Variants in LRBA observed in about 807,000 individuals in gnomAD.
The protein encoded by LRBA is LPS responsive beige-like anchor protein.
In LRBA, 176 loss-of-function variants were observed where a neutral mutation model predicts 330.0. That is an observed-to-expected ratio of 0.53 (90% confidence interval 0.47 to 0.60). The LOEUF (loss-of-function observed/expected upper bound fraction) is 0.60, where lower values mean the gene tolerates loss of function less well. Among genes scored for constraint, LRBA ranks in the 20% least tolerant of loss-of-function variants. The probability of loss-of-function intolerance (pLI) is 0.00; values close to 1 mark genes in which losing one functional copy is unlikely to be tolerated. For synonymous variants in LRBA, 1,230 were observed against 1,193.0 expected (o/e 1.03, Z -0.64); for missense variants, 3,259 against 3,444.8 (o/e 0.95, Z 1.35).
intron 40 of LRBA, among the ~76,000 whole-genome samples, chr4:150,499,354 C>T (rs1759965323): frequency 6.6e-6 from 1 of 152,106 alleles, no homozygotes; most frequent in South Asian, 2.1e-4. Flanking sequence ...TAAAGTATTT[C>T]TGTCAGGGCC....
At chr4:150,880,643 G>T (rs148827241) in intron 17 of LRBA, among the ~76,000 whole-genome samples, 1 of 151,944 alleles carries the variant, frequency 6.6e-6, no homozygotes, top group Non-Finnish European at 1.5e-5. Flanking sequence ...CCTTGGGAAA[G>T]AATTTATCAC....
At chr4:150,981,674 T>C (rs887520085) in intron 2 of LRBA, among the ~76,000 whole-genome samples, 4 of 151,540 alleles carry the variant, frequency 2.6e-5, no homozygotes, top group African/African-American at 4.9e-5. Context: ...AGAACACACA[T>C]TGGGGGCCGG....
At chr4:150,816,017 T>C (rs1744537778) in intron 31 of LRBA, among the ~76,000 whole-genome samples, 1 of 151,876 alleles carries the variant, frequency 6.6e-6, no homozygotes, top group Non-Finnish European at 1.5e-5. Context: ...GAAATAAACA[T>C]AGTATTTGTT....
At chr4:150,500,800 A>T (rs1760167226) in intron 40 of LRBA, among the ~76,000 whole-genome samples, 1 of 152,236 alleles carries the variant, frequency 6.6e-6, no homozygotes, top group Non-Finnish European at 1.5e-5. Flanking sequence ...CACAGCAAGC[A>T]AGAGAAATGA....
At chr4:151,008,164 T>A (rs1435142686) in intron 2 of LRBA, among the ~76,000 whole-genome samples, 2 of 150,412 alleles carry the variant, frequency 1.3e-5, no homozygotes, top group Non-Finnish European at 3.0e-5. Context: ...CACTACAACC[T>A]CCGCCTCCCG....
chr4:150,979,245 G>T (rs1285290514), intron 2 of LRBA, among the ~76,000 whole-genome samples: 1 of 151,974 alleles, frequency 6.6e-6, no homozygotes, highest in African/African-American at 2.4e-5. Flanking sequence ...ATATATTTAA[G>T]GTGCAGACGG....
intron 37 of LRBA, among the ~76,000 whole-genome samples, chr4:150,666,497 G>T (rs1273363732): frequency 6.6e-6 from 1 of 152,034 alleles, no homozygotes; most frequent in East Asian, 1.9e-4. Context: ...CTGGGCAACA[G>T]AGTGAGACAC....
Position 150,401,096 on chromosome 4 carries a change from T to C in LRBA, c.7194+14342A>G, listed in dbSNP as rs891762998. Among the ~76,000 whole-genome samples, 3 of 152,198 alleles carry C rather than the reference T, an allele frequency of 2.0e-5. No homozygotes were observed. The South Asian group carries it at 6.2e-4, about 32-fold the overall frequency. On this transcript the variant is annotated intron_variant, in intron 47 of 56. Coordinates refer to ENST00000651943, the MANE Select transcript of LRBA (RefSeq NM_001364905.1). ...GAAAATGTGGACACAGAGACAGATATGCACACAGGGAGAACACCTTGTGAA... is the reference window on the plus strand; with the variant it reads ...GAAAATGTGGACACAGAGACAGATACGCACACAGGGAGAACACCTTGTGAA...
At chr4:150,617,052 T>C (rs1416752575) in intron 37 of LRBA, among the ~76,000 whole-genome samples, 3 of 152,220 alleles carry the variant, frequency 2.0e-5, no homozygotes, top group Non-Finnish European at 4.4e-5. Flanking sequence ...CTAGGGTTTA[T>C]ACTTCAAATA....
intron 40 of LRBA, among the ~76,000 whole-genome samples, chr4:150,528,909 T>A (rs1266613510): frequency 1.3e-5 from 2 of 152,200 alleles, no homozygotes; most frequent in African/African-American, 4.8e-5. Flanking sequence ...TATATATTTA[T>A]ATGAGATGCT....
intron 2 of LRBA, among the ~76,000 whole-genome samples, chr4:151,009,836 T>C (rs917295890): frequency 2.6e-5 from 4 of 151,560 alleles, no homozygotes; most frequent in Admixed American, 2.0e-4. Flanking sequence ...AAAAATTAGC[T>C]GGGCGTGGTG....
At position 150,617,977 on chromosome 4, in the gene LRBA, G is replaced by A. The variant is rs1290000111; in HGVS notation, c.5922-18846C>T. 2.6e-5 allele frequency among the ~76,000 whole-genome samples: 4 copies of A among 152,080 alleles called. No homozygotes were observed. In the East Asian group the frequency reaches 7.8e-4, roughly 29 times the overall value. On this transcript the variant is annotated intron_variant, in intron 37 of 56. Coordinates refer to ENST00000651943, the MANE Select transcript of LRBA (RefSeq NM_001364905.1). ...CAAAAAGCTGAGTGAGATGGTGCGA[G>A]CCTGTAGTCCCAGCCACTCAGGAGG... is the stretch of plus-strand genomic sequence containing the variant.
At chr4:150,843,003 G>A (rs1256333459) in intron 28 of LRBA, among the ~76,000 whole-genome samples, 2 of 152,044 alleles carry the variant, frequency 1.3e-5, no homozygotes, top group Admixed American at 6.6e-5. Context: ...AAGATCCATC[G>A]CATGCACAGT....
intron 2 of LRBA, among the ~76,000 whole-genome samples, chr4:150,999,904 C>A (rs1178707601): frequency 6.6e-6 from 1 of 152,124 alleles, no homozygotes; most frequent in East Asian, 1.9e-4. Flanking sequence ...CCCTCTTGAT[C>A]TACAGGGTAT....
chr4:150,489,065 A>ATT (rs1758297736), intron 41 of LRBA, among the ~76,000 whole-genome samples: 3 of 115,336 alleles, frequency 2.6e-5, no homozygotes, highest in African/African-American at 3.6e-5. Context: ...AAGAATATAT[A>ATT]ATATATTATA....
chr4:150,683,201 T>C (rs534794519), intron 37 of LRBA, among the ~76,000 whole-genome samples: 23 of 152,162 alleles, frequency 1.5e-4, no homozygotes, highest in African/African-American at 4.8e-4. Flanking sequence ...TACGTAAAAA[T>C]TTGGCTATAA....
intron 36 of LRBA, among the ~76,000 whole-genome samples, chr4:150,722,456 T>C (rs1729063466): frequency 6.6e-6 from 1 of 152,066 alleles, no homozygotes; most frequent in African/African-American, 2.4e-5. Context: ...ACTCAAGTAC[T>C]ATAAGAAATG....
chr4:150,593,935 C>CTTT, intron 38 of LRBA, among the ~76,000 whole-genome samples: 1 of 151,936 alleles, frequency 6.6e-6, no homozygotes, highest in Non-Finnish European at 1.5e-5. Flanking sequence ...TTATCCCTTC[C>CTTT]AATTGCAATT....
rs751361633 is a variant in LRBA at position 150,908,335 on chromosome 4, A to T, written c.1492T>A (p.Cys498Ser). ...YLSDEIDLTICSTLLAFIMEL... is the reference protein window; with the variant it reads ...YLSDEIDLTISSTLLAFIMEL... ...AAAGAAACAAATAAAGGCACTCACC[A>T]TATAGTCAAATCAATCTCATCAGAC... The change falls in exon 11 of 57, where the codon TGT (cysteine) becomes AGT (serine). Residue 498 changes from cysteine (C) to serine (S), a missense_variant and splice_region_variant. By Grantham distance (112) the Cys-to-Ser change is moderately radical. Transcript: ENST00000651943. 1.9e-6 allele frequency: 3 copies of T among 1,608,344 alleles called. No individual in the cohort carries two copies. The African/African-American group carries it at 4.0e-5, about 22-fold the overall frequency.
Sources: gnomAD v4.1 joint callset for allele counts (sites outside exome capture counted in the v4.1 genomes callset) on GRCh38, gnomAD v4.1.1 for gene constraint, MANE v1.5 for transcripts, NCBI Gene and HGNC (gene_info 2026-07-23, HGNC 2026-07-21) for gene names.